Variants in BRD4 observed in about 807,000 individuals in gnomAD.
BRD4 encodes the protein bromodomain containing 4, also known as bromodomain-containing protein 4.
Under a neutral mutation model 142.1 loss-of-function variants are expected in BRD4, and 16 were observed. That is an observed-to-expected ratio of 0.11 (90% CI 0.08 to 0.17). The LOEUF (loss-of-function observed/expected upper bound fraction) is 0.17. BRD4 is among the 10% of genes least tolerant of loss of function. BRD4 has a pLI of 1.00. For synonymous variants in BRD4, 833 were observed against 707.5 expected (o/e 1.18, Z -2.82); for missense variants, 1,424 against 1,810.9 (o/e 0.79, Z 3.88).
Position 15,265,439 on chromosome 19 carries a change from G to A in BRD4, c.764C>T (p.Pro255Leu), listed in dbSNP as rs779860738. Reference protein sequence around the residue: ...QPLQTPPPVPPQPQPPPAPAP... With the variant: ...QPLQTPPPVPLQPQPPPAPAP... ...TGGAGCGGGTGGGGGTTGTGGCTGG[G>A]GGGGCACTGGCGGGGGCGTCTGCAG... Residue 255 changes from proline to leucine, a missense_variant, in exon 5 of 20, where the codon CCC becomes CTC. This residue lies in a region of BRD4 where 140 missense variants were observed against 131.7 expected (regional missense o/e 1.06). Transcript: ENST00000679869. 12 of 1,574,956 alleles carry A rather than the reference G, an allele frequency of 7.6e-6. No individual in the cohort carries two copies. The highest frequency in any genetic ancestry group is 1.3e-5 in the African/African-American group (1 of 74,092).
intron 1 of BRD4, among the ~76,000 whole-genome samples, chr19:15,291,152 C>T (rs1034479033): frequency 2.0e-5 from 3 of 152,166 alleles, no homozygotes; most frequent in African/African-American, 7.2e-5. Flanking sequence ...TTATGCCCTG[C>T]TCCTGGAGTA....
intron 1 of BRD4, among the ~76,000 whole-genome samples, chr19:15,299,375 C>A (rs1174744637): frequency 1.3e-5 from 2 of 152,172 alleles, no homozygotes; most frequent in Non-Finnish European, 2.9e-5. Context: ...CCATCAAAGT[C>A]TTTTACCCAT....
intron 1 of BRD4, among the ~76,000 whole-genome samples, chr19:15,295,872 G>A (rs929277444): frequency 6.6e-6 from 1 of 152,228 alleles, no homozygotes; most frequent in Non-Finnish European, 1.5e-5. Flanking sequence ...TCGGAAGACT[G>A]AGGCAGGAGA....
At chr19:15,298,649 A>G (rs2047843526) in intron 1 of BRD4, among the ~76,000 whole-genome samples, 1 of 116,808 alleles carries the variant, frequency 8.6e-6, no homozygotes, top group Non-Finnish European at 1.8e-5. Flanking sequence ...AAAAAAAAAA[A>G]AAAAAAAAAA....
At chr19:15,246,805 G>A (rs1296571168) in intron 11 of BRD4, among the ~76,000 whole-genome samples, 1 of 152,142 alleles carries the variant, frequency 6.6e-6, no homozygotes, top group African/African-American at 2.4e-5. Context: ...CCTTGCAAGT[G>A]CTGGGGCCCC....
intron 2 of BRD4, among the ~76,000 whole-genome samples, chr19:15,272,526 C>A (rs963062542): frequency 6.6e-6 from 1 of 152,204 alleles, no homozygotes; most frequent in Non-Finnish European, 1.5e-5. Flanking sequence ...CACCATGGAA[C>A]TGGAAGTAGA....
At position 15,261,188 on chromosome 19, in the gene BRD4, T is replaced by C. The variant is rs369732395; in HGVS notation, c.1341+2232A>G. Among the ~76,000 whole-genome samples the C allele has an allele frequency of 5.9e-5, 9 of 152,214 alleles. No individual in the cohort carries two copies. In the East Asian group the frequency reaches 1.7e-3, roughly 29 times the overall value. The stretch of plus-strand genomic sequence containing the variant: ...CGGGTGGCCCTGAACAAAAACTGCA[T>C]TGAAATTAAAAAGTCTGGCCGGGCA... On this transcript the variant is annotated intron_variant, in intron 7 of 19. Transcript: ENST00000679869.
At chr19:15,271,524 C>G (rs969732453) in intron 2 of BRD4, among the ~76,000 whole-genome samples, 1 of 152,224 alleles carries the variant, frequency 6.6e-6, no homozygotes, top group Non-Finnish European at 1.5e-5. Context: ...AAGGGCCTCA[C>G]AACGCTCTGG....
chr19:15,269,408 C>T (rs1237784697), intron 2 of BRD4, among the ~76,000 whole-genome samples: 1 of 152,218 alleles, frequency 6.6e-6, no homozygotes, highest in Admixed American at 6.5e-5. Flanking sequence ...GCAATCCTCA[C>T]CTAGTAAGAC....
chr19:15,244,960 C>T (rs2047272828), intron 11 of BRD4, 198 bp from the exon 12 acceptor site: 1 of 952,942 alleles, frequency 1.0e-6, no homozygotes, highest in Non-Finnish European at 1.5e-6. Flanking sequence ...TACCCACTTG[C>T]CTGCTGCTTT....
chr19:15,296,669 G>A (rs376773269), intron 1 of BRD4, among the ~76,000 whole-genome samples: 6 of 152,166 alleles, frequency 3.9e-5, no homozygotes, highest in African/African-American at 1.2e-4. Flanking sequence ...ATCCCAAAGT[G>A]CAGTCTCCTG....
chr19:15,238,809 C>G lies in BRD4; in HGVS notation c.3954G>C (p.Gln1318His). The G allele has an allele frequency of 6.2e-7, 1 of 1,602,578 alleles. No homozygotes were observed. The highest frequency in any genetic ancestry group is 8.5e-7 in the Non-Finnish European group (1 of 1,173,240). ...ACTCCCTCTGCTGGTCCAGCATGGA[C>G]TGGGGCTGGGAGCTCTGGGCCTGTG... ...ATPQAQSSQP[Q>H]SMLDQQRELA... The change falls in exon 19 of 20, where the codon CAG becomes CAC. Residue 1318 changes from glutamine to histidine, a missense_variant. By Grantham distance (24) the Gln-to-His change is conservative. Around this residue, in one of 16 missense-constraint regions of BRD4, gnomAD observed 109 missense variants for 117.9 expected, o/e 0.92. Transcript: ENST00000679869. This position sits in a 1 kb window ranked among gnomAD's most constrained non-coding sequence, Gnocchi z 7.2.
At chr19:15,305,881 T>G (rs144724132) in intron 1 of BRD4, among the ~76,000 whole-genome samples, 16 of 152,396 alleles carry the variant, frequency 1.0e-4, no homozygotes, top group African/African-American at 3.8e-4. Context: ...CTGGATAACT[T>G]GCTACAGTTT....
chr19:15,257,587 T>C (rs1461275113), intron 7 of BRD4, among the ~76,000 whole-genome samples: 2 of 151,746 alleles, frequency 1.3e-5, no homozygotes, highest in Non-Finnish European at 2.9e-5. Context: ...TTGTCTGTGG[T>C]TTGAGAGGGC....
chr19:15,254,934 C>T (rs552855974), intron 10 of BRD4, among the ~76,000 whole-genome samples: 6 of 152,310 alleles, frequency 3.9e-5, no homozygotes, highest in East Asian at 1.9e-4. Flanking sequence ...TGCTGCATAA[C>T]GTATCGGTAC....
chr19:15,245,864 C>T (rs1160419584), intron 11 of BRD4, among the ~76,000 whole-genome samples: 2 of 152,222 alleles, frequency 1.3e-5, no homozygotes, highest in Admixed American at 6.5e-5. Flanking sequence ...CCTCTTGCTG[C>T]TGGTGTTGGA....
At chr19:15,262,025 G>GAT (rs1464785765) in intron 7 of BRD4, among the ~76,000 whole-genome samples, 1 of 152,210 alleles carries the variant, frequency 6.6e-6, no homozygotes, top group Non-Finnish European at 1.5e-5. Context: ...CCTACCTCAA[G>GAT]AGTTTGAGCA....
intron 1 of BRD4, among the ~76,000 whole-genome samples, chr19:15,295,096 G>T (rs1008812266): frequency 6.6e-5 from 10 of 152,212 alleles, no homozygotes; most frequent in Non-Finnish European, 1.3e-4. Flanking sequence ...CCATATTGTT[G>T]AAGTTGAACC....
At chr19:15,241,063 A>G (rs1244928826) in intron 14 of BRD4, among the ~76,000 whole-genome samples, 1 of 152,222 alleles carries the variant, frequency 6.6e-6, no homozygotes, top group Non-Finnish European at 1.5e-5. Flanking sequence ...ACCCACTCCT[A>G]ACGCCAGAAG....
Sources: gnomAD v4.1 joint callset for allele counts (sites outside exome capture counted in the v4.1 genomes callset) on GRCh38, gnomAD v4.1.1 for gene constraint, gnomAD v4.1.1 regional missense constraint, Gnocchi (gnomAD v3.1) non-coding constraint, MANE v1.5 for transcripts, NCBI Gene and HGNC (gene_info 2026-07-23, HGNC 2026-07-21) for gene names.